LOC128125814: variants seen among roughly 807,000 people sequenced by gnomAD.
the LOC128125814 span, chr12:57,520,384 G>A: frequency 5.0e-6 from 2 of 398,518 alleles, no homozygotes; most frequent in African/African-American, 2.1e-5. Context: ...TGAGGAGACG[G>A]GAGGGTAAAA....
chr12:57,518,727 C>T, the LOC128125814 span, among the ~76,000 whole-genome samples: 4 of 152,218 alleles, frequency 2.6e-5, no homozygotes, highest in Non-Finnish European at 4.4e-5. Flanking sequence ...GTGGCGCAAT[C>T]GGCTCACTGC....
At chr12:57,519,168 A>T in the LOC128125814 span, 1 of 533,366 alleles carries the variant, frequency 1.9e-6, no homozygotes, top group Non-Finnish European at 3.8e-6. Flanking sequence ...GAGCCTTTTA[A>T]AACAGGTCAT....
chr12:57,519,882 C>G, the LOC128125814 span, among the ~76,000 whole-genome samples: 2 of 152,242 alleles, frequency 1.3e-5, no homozygotes, highest in African/African-American at 4.8e-5. Flanking sequence ...CCCTGTCCAT[C>G]GGCACCCCTC....
the LOC128125814 span, among the ~76,000 whole-genome samples, chr12:57,519,424 CTG>C: frequency 6.6e-6 from 1 of 152,184 alleles, no homozygotes; most frequent in African/African-American, 2.4e-5. Context: ...GAGCCCCAAA[CTG>C]TGTGGCACAC....
the LOC128125814 span, chr12:57,520,477 A>T: frequency 2.5e-6 from 1 of 398,590 alleles, no homozygotes; most frequent in Non-Finnish European, 4.4e-6. Context: ...CTCATCTTTA[A>T]CATGATACGC....
chr12:57,519,218 C>T, the LOC128125814 span: 1 of 533,002 alleles, frequency 1.9e-6, no homozygotes, highest in Non-Finnish European at 3.8e-6. Flanking sequence ...TATTTCATGT[C>T]ATGGAAGTCA....
the LOC128125814 span, chr12:57,517,896 G>A: frequency 2.4e-4 from 97 of 407,252 alleles, 1 homozygote; most frequent in East Asian, 3.1e-3. Context: ...GTGCGATCTC[G>A]GCTCACTGCA....
At chr12:57,519,715 T>C in the LOC128125814 span, among the ~76,000 whole-genome samples, 1 of 152,190 alleles carries the variant, frequency 6.6e-6, no homozygotes, top group African/African-American at 2.4e-5. Context: ...AGAGATTAGC[T>C]GGGAGACAGG....
chr12:57,519,628 T>C, the LOC128125814 span, among the ~76,000 whole-genome samples: 6 of 152,196 alleles, frequency 3.9e-5, no homozygotes, highest in Non-Finnish European at 7.4e-5. Context: ...GTGTGGGACT[T>C]GGCTTTCATC....
At chr12:57,517,963 A>T in the LOC128125814 span, among the ~76,000 whole-genome samples, 2 of 151,788 alleles carry the variant, frequency 1.3e-5, no homozygotes, top group African/African-American at 4.8e-5. Context: ...AGTAGCTGGG[A>T]CTACAGGCGC....
chr12:57,519,616 G>A, the LOC128125814 span, among the ~76,000 whole-genome samples: 2 of 152,202 alleles, frequency 1.3e-5, no homozygotes, highest in African/African-American at 4.8e-5. Flanking sequence ...TTGCCTTCCA[G>A]TGTGTGGGAC....
chr12:57,519,817 GCT>G, the LOC128125814 span, among the ~76,000 whole-genome samples: 1 of 152,206 alleles, frequency 6.6e-6, no homozygotes, highest in Non-Finnish European at 1.5e-5. Flanking sequence ...GATCCAGGCT[GCT>G]CTCTTGTGCA....
the LOC128125814 span, chr12:57,519,163 T>C: frequency 1.9e-6 from 1 of 533,316 alleles, no homozygotes; most frequent in Middle Eastern, 4.4e-4. Flanking sequence ...TGAGTGAGCC[T>C]TTTAAAACAG....
At chr12:57,519,459 G>C in the LOC128125814 span, among the ~76,000 whole-genome samples, 1 of 152,142 alleles carries the variant, frequency 6.6e-6, no homozygotes, top group Non-Finnish European at 1.5e-5. Context: ...TTAAGTATTT[G>C]TTAAGAATGA....
chr12:57,520,415 C>G, the LOC128125814 span: 1 of 398,652 alleles, frequency 2.5e-6, no homozygotes. Flanking sequence ...AATCAGTACT[C>G]GCCTCTCTCC....
At chr12:57,519,022 A>G in the LOC128125814 span, 1 of 515,940 alleles carries the variant, frequency 1.9e-6, no homozygotes, top group South Asian at 1.4e-5. Context: ...AAACACTTCT[A>G]ATTCCATTGT....
At chr12:57,520,467 C>G in the LOC128125814 span, 3 of 398,554 alleles carry the variant, frequency 7.5e-6, no homozygotes, top group African/African-American at 4.1e-5. Flanking sequence ...CTGCCACCCG[C>G]TCATCTTTAA....
the LOC128125814 span, chr12:57,520,334 G>C: frequency 2.3e-5 from 9 of 398,346 alleles, no homozygotes; most frequent in East Asian, 3.2e-4. Context: ...CTTCACTGTG[G>C]AGGAGTGAGG....
the LOC128125814 span, chr12:57,517,895 C>T: frequency 2.9e-5 from 12 of 407,344 alleles, no homozygotes; most frequent in Non-Finnish European, 4.7e-5. Flanking sequence ...GGTGCGATCT[C>T]GGCTCACTGC....
Sources: allele counts gnomAD v4.1 joint callset (sites outside exome capture counted in the v4.1 genomes callset), GRCh38; gene constraint gnomAD v4.1.1; transcripts MANE v1.5.